The following LAMTOR2 variants were observed in gnomAD, a reference collection of about 807,000 sequenced individuals.
LAMTOR2 encodes late endosomal/lysosomal adaptor, MAPK and MTOR activator 2, also known as ragulator complex protein LAMTOR2.
In LAMTOR2, 4 loss-of-function variants were observed where a neutral mutation model predicts 15.8. The observed-to-expected ratio is 0.25, with a 90% CI of 0.12 to 0.58. The LOEUF (loss-of-function observed/expected upper bound fraction) is 0.58, where lower values mean the gene tolerates loss of function less well. Among genes scored for constraint, LAMTOR2 ranks in the 20% least tolerant of loss-of-function variants. The pLI, the probability that LAMTOR2 is intolerant of heterozygous loss-of-function variation, is 0.91. For synonymous variants in LAMTOR2, 62 were observed against 64.1 expected, an observed-to-expected ratio of 0.97 and a Z score of 0.15; for missense variants, 100 against 161.0, an observed-to-expected ratio of 0.62 and a Z score of 2.05.
In LAMTOR2 at chr1:156,055,273, A is replaced by G. The variant is rs756358700; in HGVS notation, c.79A>G (p.Asn27Asp). The change falls in exon 2 of 4, where the codon AAC (asparagine) becomes GAC (aspartate). Residue 27 changes from asparagine (N) to aspartate (D), a missense_variant. By Grantham distance (23) the Asn-to-Asp change is conservative (BLOSUM62 1). Transcript: ENST00000368305. The surrounding 1 kb of genome is among the most constrained non-coding windows in gnomAD (Gnocchi z 4.8). ...CCCGCCCCTCACCAGGCTGCTGAAT[A>G]ACGAGGGATCACTGCTGGCCTACTC... is the stretch of plus-strand genomic sequence containing the variant. ...GGVQSTLLLN[N>D]EGSLLAYSGY... 3.1e-6 allele frequency: 5 copies of G among 1,614,068 alleles called. No individual in the cohort carries two copies. The East Asian group carries it at 1.1e-4, about 36-fold the overall frequency.
chr1:156,058,032 A>G lies in LAMTOR2; in HGVS notation c.286A>G (p.Lys96Glu), dbSNP rs1647430288. The change falls in exon 3 of 4, where the codon AAG (lysine) becomes GAG (glutamate). Residue 96 changes from lysine to glutamate, a missense_variant. Transcript: ENST00000368305. Reference protein sequence around the residue: ...VANLLLCMYAKETVGFGMLKA... With the variant: ...VANLLLCMYAEETVGFGMLKA... ...CAACCTTCTGCTGTGTATGTATGCC[A>G]AGGAGACCGTGGGCTTTGGAATGCT... The G allele has an allele frequency of 6.2e-7, 1 of 1,614,054 alleles. No homozygotes were observed. Among genetic ancestry groups the G allele is most frequent in the Admixed American group, 1.7e-5 (1 of 60,000 alleles).
At position 156,055,153 on chromosome 1, in the gene LAMTOR2, G is replaced by A; in HGVS notation, c.69-110G>A. ...GTGCTTAGGGCATGTTCCGGGACAC[G>A]CTCAGGCCAGAGCCTTGCTGGATGT... On this transcript the variant is annotated intron_variant, in intron 1 of 3. Transcript: ENST00000368305. This position sits in a 1 kb window ranked among gnomAD's most constrained non-coding sequence, Gnocchi z 4.8. 6.7e-7 allele frequency: 1 copy of A among 1,502,756 alleles called. No individual in the cohort carries two copies. The highest frequency in any genetic ancestry group is 9.2e-7 in the Non-Finnish European group (1 of 1,089,014). The allele number at this position is 1,502,756 out of a possible 1,614,324, so 93.1% of individuals were successfully genotyped here.
chr1:156,056,352 G>A lies in LAMTOR2; in HGVS notation c.231+927G>A, dbSNP rs1167292551. 2.0e-5 allele frequency among the ~76,000 whole-genome samples: 3 copies of A among 152,178 alleles called. No homozygotes were observed. The East Asian group carries it at 5.8e-4, about 29-fold the overall frequency. Reference sequence around the variant, plus strand: ...ATAGTATATATTAGGTATTGAAAATGCAATGGAGAGAAAGCAGGGAAGTGA... The same window carrying A: ...ATAGTATATATTAGGTATTGAAAATACAATGGAGAGAAAGCAGGGAAGTGA... On this transcript the variant is annotated intron_variant, in intron 2 of 3. Transcript: ENST00000368305.
At chr1:156,056,712 G>A (rs1647383961) in intron 2 of LAMTOR2, among the ~76,000 whole-genome samples, 1 of 152,246 alleles carries the variant, frequency 6.6e-6, no homozygotes, top group African/African-American at 2.4e-5. Context: ...AAATTGGCCA[G>A]AAGGTGAACT....
At chr1:156,057,368 T>G (rs948494849) in intron 2 of LAMTOR2, among the ~76,000 whole-genome samples, 2 of 152,018 alleles carry the variant, frequency 1.3e-5, no homozygotes, top group African/African-American at 4.8e-5. Flanking sequence ...GGAAAAAATT[T>G]TTTAAGAAAG....
rs1230640081 is a variant in LAMTOR2 at position 156,055,163 on chromosome 1, G to A, written c.69-100G>A. 6.5e-7 allele frequency: 1 copy of A among 1,537,576 alleles called. No homozygotes were observed. The highest frequency in any genetic ancestry group is 8.9e-7 in the Non-Finnish European group (1 of 1,119,166). ...CATGTTCCGGGACACGCTCAGGCCAGAGCCTTGCTGGATGTGCCCTTGGTG... is the reference window on the plus strand; with the variant it reads ...CATGTTCCGGGACACGCTCAGGCCAAAGCCTTGCTGGATGTGCCCTTGGTG... On this transcript the variant is annotated intron_variant, in intron 1 of 3. Transcript: ENST00000368305. The surrounding 1 kb of genome is among the most constrained non-coding windows in gnomAD (Gnocchi z 4.8).
chr1:156,057,917 G>A (rs909605815), intron 2 of LAMTOR2, 61 bp from the exon 3 acceptor site: 4 of 1,480,098 alleles, frequency 2.7e-6, no homozygotes, highest in Non-Finnish European at 3.8e-6. Flanking sequence ...AAGCCTTTGG[G>A]GAAGGAGGGT....
rs1280946186 is a variant in LAMTOR2 at position 156,055,844 on chromosome 1, C to T, written c.231+419C>T. 1 of 246,926 alleles carries T rather than the reference C, an allele frequency of 4.0e-6. No homozygotes were observed. The allele number at this position is 246,926 out of a possible 1,614,324, so 15.3% of individuals were successfully genotyped here. On this transcript the variant is annotated intron_variant, in intron 2 of 3. Transcript: ENST00000368305. The surrounding 1 kb of genome is among the most constrained non-coding windows in gnomAD (Gnocchi z 4.8). ...AGTGTTGTCATCCCAGTTTCACCGA[C>T]TCACAGAACCATGGCAGTCTCCAGA...
intron 2 of LAMTOR2, among the ~76,000 whole-genome samples, chr1:156,056,391 T>C (rs1199238505): frequency 6.6e-6 from 1 of 152,180 alleles, no homozygotes; most frequent in African/African-American, 2.4e-5. Context: ...AGTATGAGTT[T>C]GTTGGGTGTA....
chr1:156,058,065 A>G lies in LAMTOR2; in HGVS notation c.319A>G (p.Lys107Glu). The stretch of plus-strand genomic sequence containing the variant: ...CGTGGGCTTTGGAATGCTCAAGGCC[A>G]AGGTGTGTATGTGCCCATCCCTCCA... ...ETVGFGMLKA[K>E]AQALVQYLEE... Residue 107 changes from lysine (K) to glutamate (E), a missense_variant and splice_region_variant, in exon 3 of 4, where the codon AAG becomes GAG. Transcript: ENST00000368305. The G allele has an allele frequency of 6.2e-7, 1 of 1,614,096 alleles. No individual in the cohort carries two copies. The highest frequency in any genetic ancestry group is 8.5e-7 in the Non-Finnish European group (1 of 1,179,962).
chr1:156,057,705 GA>G (rs1291238247), intron 2 of LAMTOR2, among the ~76,000 whole-genome samples: 1 of 152,146 alleles, frequency 6.6e-6, no homozygotes, highest in Non-Finnish European at 1.5e-5. Flanking sequence ...CACCAACTGG[GA>G]TGAGGTAGGG....
In LAMTOR2 at chr1:156,054,823, G is replaced by C; in HGVS notation, c.-67G>C. On this transcript the variant is annotated 5_prime_UTR_variant, in exon 1 of 4. Coordinates refer to ENST00000368305, the MANE Select transcript of LAMTOR2 (RefSeq NM_014017.4). ...GGCCAACGGGACTACGGGAAGCAGC[G>C]GGCAGCGGCCCGCGGGAGGCACCTC... 1 of 1,524,218 alleles carries C rather than the reference G, an allele frequency of 6.6e-7. No individual in the cohort carries two copies. Among genetic ancestry groups the C allele is most frequent in the South Asian group, 1.1e-5 (1 of 87,490 alleles). 94.4% of individuals were successfully genotyped at this position (1,524,218 alleles called of 1,614,324 possible).
In LAMTOR2 at chr1:156,058,241, C is replaced by T. The variant is rs1319087818; in HGVS notation, c.322-74C>T. On this transcript the variant is annotated intron_variant, in intron 3 of 3. Coordinates refer to ENST00000368305, the MANE Select transcript of LAMTOR2 (RefSeq NM_014017.4). ...TGGGGGCTGGTTGCTTCCTATGGCA[C>T]TGGGAGCAGACCTGGATTTGGGGTC... 2.5e-6 allele frequency: 4 copies of T among 1,598,104 alleles called. No individual in the cohort carries two copies. The Admixed American group carries it at 6.7e-5, about 27-fold the overall frequency.
chr1:156,054,922 A>G lies in LAMTOR2; in HGVS notation c.33A>G (p.Leu11=). The stretch of plus-strand genomic sequence containing the variant: ...GCCCCAAGGCTTTGACCCAGGTGCT[A>G]AGCCAAGCCAACACTGGAGGCGTCC... MLRPKALTQV[L]SQANTGGVQS... Residue 11 remains leucine (L), a synonymous_variant, in exon 1 of 4, where the codon CTA becomes CTG. Transcript: ENST00000368305. 6.2e-7 allele frequency: 1 copy of G among 1,612,956 alleles called. No individual in the cohort carries two copies. Among genetic ancestry groups the G allele is most frequent in the Non-Finnish European group, 8.5e-7 (1 of 1,179,812 alleles).
rs753561651 is a variant in LAMTOR2 at position 156,058,362 on chromosome 1, G to A, written c.369G>A (p.Ala123=). ...TGGAGGAGCCCCTCACCCAAGTGGCGGCATCTTAACGGCATTGGTGGAAGC... is the reference window on the plus strand; with the variant it reads ...TGGAGGAGCCCCTCACCCAAGTGGCAGCATCTTAACGGCATTGGTGGAAGC... ...QYLEEPLTQV[A]AS is the part of the protein sequence containing the mutation. Residue 123 remains alanine, a synonymous_variant, in exon 4 of 4, where the codon GCG becomes GCA. Coordinates refer to ENST00000368305, the MANE Select transcript of LAMTOR2 (RefSeq NM_014017.4). 5.6e-6 allele frequency: 9 copies of A among 1,613,998 alleles called. No homozygotes were observed. The highest frequency in any genetic ancestry group is 4.5e-5 in the East Asian group (2 of 44,890).
chr1:156,056,945 C>T (rs888356946), intron 2 of LAMTOR2, among the ~76,000 whole-genome samples: 1 of 151,400 alleles, frequency 6.6e-6, no homozygotes, highest in African/African-American at 2.4e-5. Flanking sequence ...TTTGGGAGGC[C>T]GAGGCGGGCG....
Position 156,058,258 on chromosome 1 carries a change from T to A in LAMTOR2, c.322-57T>A, listed in dbSNP as rs192774800. 506 of 1,608,332 alleles carry A rather than the reference T, an allele frequency of 3.1e-4. 1 individual carries two copies. The African/African-American group carries it at 5.8e-3, about 18-fold the overall frequency. On this transcript the variant is annotated intron_variant, in intron 3 of 3. Coordinates refer to ENST00000368305, the MANE Select transcript of LAMTOR2 (RefSeq NM_014017.4). ...CTATGGCACTGGGAGCAGACCTGGA[T>A]TTGGGGTCCCTAATGCCAGGCTGTG... is the stretch of plus-strand genomic sequence containing the variant.
At chr1:156,056,868 C>T (rs1647386941) in intron 2 of LAMTOR2, among the ~76,000 whole-genome samples, 1 of 152,106 alleles carries the variant, frequency 6.6e-6, no homozygotes, top group African/African-American at 2.4e-5. Context: ...GTTTTGACCA[C>T]AACCCAGCCA....
Position 156,058,474 on chromosome 1 carries a change from G to C in LAMTOR2, c.*103G>C. On this transcript the variant is annotated 3_prime_UTR_variant, in exon 4 of 4. Transcript: ENST00000368305. ...GACAATGGGGGGAGGATGGGACTTTGTTTTTTCCAAGAATAAACTTCAACT... is the reference window on the plus strand; with the variant it reads ...GACAATGGGGGGAGGATGGGACTTTCTTTTTTCCAAGAATAAACTTCAACT... 7.9e-7 allele frequency: 1 copy of C among 1,262,886 alleles called. No individual in the cohort carries two copies. Among genetic ancestry groups the C allele is most frequent in the South Asian group, 1.2e-5 (1 of 82,846 alleles). The allele number at this position is 1,262,886 out of a possible 1,614,324, so 78.2% of individuals were successfully genotyped here.
Sources: allele counts gnomAD v4.1 joint callset (sites outside exome capture counted in the v4.1 genomes callset), GRCh38; gene constraint gnomAD v4.1.1; non-coding constraint Gnocchi (gnomAD v3.1); transcripts MANE v1.5; gene names NCBI Gene and HGNC (gene_info 2026-07-23, HGNC 2026-07-21).